The following GRIK1 variants were observed in gnomAD, a reference collection of about 807,000 sequenced individuals.
GRIK1 encodes glutamate receptor ionotropic, kainate 1.
GRIK1 carries 69 observed loss-of-function variants against 105.7 expected under a neutral mutation model. The ratio of observed to expected loss-of-function variants is 0.65; its 90% CI spans 0.54 to 0.80. The LOEUF (loss-of-function observed/expected upper bound fraction) is 0.80, where lower values mean the gene tolerates loss of function less well. Among genes scored for constraint, GRIK1 ranks in the 30% least tolerant of loss-of-function variants. The pLI is 0.00. For synonymous variants in GRIK1, 438 were observed against 431.3 expected, an observed-to-expected ratio of 1.02 and a Z score of -0.19; for missense variants, 1,109 against 1,167.3, an observed-to-expected ratio of 0.95 and a Z score of 0.73.
At chr21:29,554,600 G>T (rs551732259) in intron 16 of GRIK1, among the ~76,000 whole-genome samples, 1 of 152,014 alleles carries the variant, frequency 6.6e-6, no homozygotes, top group Non-Finnish European at 1.5e-5. Context: ...GTTCAATTTC[G>T]TAGTATGACT....
intron 6 of GRIK1, among the ~76,000 whole-genome samples, chr21:29,650,845 C>T (rs1368961164): frequency 6.6e-6 from 1 of 152,228 alleles, no homozygotes; most frequent in African/African-American, 2.4e-5. Flanking sequence ...AAATGCTCTT[C>T]ACTTGTCCTT....
At chr21:29,547,125 C>T (rs898861980) in intron 16 of GRIK1, among the ~76,000 whole-genome samples, 4 of 152,098 alleles carry the variant, frequency 2.6e-5, no homozygotes, top group Middle Eastern at 3.2e-3. Context: ...CTTGTTTTAC[C>T]TGGTCTGTAG....
At chr21:29,607,559 C>T (rs2061649308) in intron 7 of GRIK1, among the ~76,000 whole-genome samples, 1 of 152,034 alleles carries the variant, frequency 6.6e-6, no homozygotes, top group African/African-American at 2.4e-5. Context: ...TGTATTGCTA[C>T]CCTTGAAAAA....
At chr21:29,810,123 C>T (rs1738693709) in intron 1 of GRIK1, among the ~76,000 whole-genome samples, 1 of 151,984 alleles carries the variant, frequency 6.6e-6, no homozygotes, top group South Asian at 2.1e-4. Context: ...CATGGTGAAA[C>T]CCCATCTCTA....
intron 1 of GRIK1, among the ~76,000 whole-genome samples, chr21:29,815,265 C>T (rs2067125445): frequency 6.6e-6 from 1 of 152,134 alleles, no homozygotes; most frequent in Non-Finnish European, 1.5e-5. Context: ...CAGTCCTTTC[C>T]TAACTGCATG....
At chr21:29,598,718 G>T (rs1362323379) in intron 8 of GRIK1, 112 bp downstream of exon 8, 30 of 536,610 alleles carry the variant, frequency 5.6e-5, no homozygotes, top group Non-Finnish European at 8.9e-5. Flanking sequence ...GGATGTAAAA[G>T]AACATGCTTA....
chr21:29,649,727 C>T (rs2062693217), intron 6 of GRIK1, among the ~76,000 whole-genome samples: 1 of 152,142 alleles, frequency 6.6e-6, no homozygotes, highest in Non-Finnish European at 1.5e-5. Context: ...TTAAGCCATA[C>T]TTGTGATGAA....
intron 1 of GRIK1, among the ~76,000 whole-genome samples, chr21:29,791,991 T>C (rs1378783892): frequency 1.3e-5 from 2 of 152,156 alleles, no homozygotes; most frequent in Non-Finnish European, 2.9e-5. Flanking sequence ...AACATAATTT[T>C]TGTACGTTAG....
chr21:29,848,779 A>ATATATATATTTTT, intron 1 of GRIK1, among the ~76,000 whole-genome samples: 3 of 77,866 alleles, frequency 3.9e-5, no homozygotes, highest in African/African-American at 1.2e-4. Flanking sequence ...ATATATATAT[A>ATATATATATTTTT]TTTTTTTTTT....
intron 1 of GRIK1, among the ~76,000 whole-genome samples, chr21:29,891,266 G>T (rs2069887759): frequency 6.6e-6 from 1 of 152,100 alleles, no homozygotes; most frequent in Non-Finnish European, 1.5e-5. Context: ...TCTCTAGCAG[G>T]AATCCGATCA....
intron 13 of GRIK1, among the ~76,000 whole-genome samples, chr21:29,579,304 G>A (rs1289350454): frequency 6.6e-6 from 1 of 152,066 alleles, no homozygotes; most frequent in Non-Finnish European, 1.5e-5. Context: ...ATGTTAGTTA[G>A]AATTATTTAG....
intron 6 of GRIK1, among the ~76,000 whole-genome samples, chr21:29,646,765 C>A (rs1448704478): frequency 6.6e-6 from 1 of 152,012 alleles, no homozygotes; most frequent in Non-Finnish European, 1.5e-5. Flanking sequence ...CCATCTTGGG[C>A]TATATGTGCA....
At chr21:29,632,109 G>T (rs1402785337) in intron 7 of GRIK1, among the ~76,000 whole-genome samples, 2 of 152,072 alleles carry the variant, frequency 1.3e-5, no homozygotes, top group East Asian at 3.9e-4. Flanking sequence ...TGCATGCTTT[G>T]CTCCCTATTT....
chr21:29,753,647 C>G (rs1401566132), intron 1 of GRIK1, among the ~76,000 whole-genome samples: 1 of 152,154 alleles, frequency 6.6e-6, no homozygotes, highest in African/African-American at 2.4e-5. Flanking sequence ...TCACTCTGTT[C>G]TAGAGTATAA....
chr21:29,734,248 C>G (rs1446140727), intron 1 of GRIK1, among the ~76,000 whole-genome samples: 1 of 152,212 alleles, frequency 6.6e-6, no homozygotes, highest in Admixed American at 6.5e-5. Flanking sequence ...TATGGCTTAG[C>G]CTCCACTCTG....
rs1271602693 is a variant in GRIK1, at chr21:29,561,514, G to T, written c.2356+110C>A. The T allele has an allele frequency of 8.9e-6, 6 of 672,786 alleles. No individual in the cohort carries two copies. In the East Asian group the frequency reaches 1.3e-4, roughly 15 times the overall value. 41.7% of individuals were successfully genotyped at this position (672,786 alleles called of 1,614,324 possible). A position where few individuals can be genotyped will look rare whatever the true frequency, so the allele number is the denominator to read the frequency against. On this transcript the variant is annotated intron_variant, in intron 15 of 17. Transcript: ENST00000327783. Reference sequence around the variant, plus strand: ...TGTTTACATTATTAGTTCACTAATGGCATTGTAGGCCTTCTCAGAATTTGG... The same window carrying T: ...TGTTTACATTATTAGTTCACTAATGTCATTGTAGGCCTTCTCAGAATTTGG...
At chr21:29,604,485 T>C (rs1049179568) in intron 7 of GRIK1, among the ~76,000 whole-genome samples, 1 of 152,168 alleles carries the variant, frequency 6.6e-6, no homozygotes, top group African/African-American at 2.4e-5. Context: ...ACACTATTGA[T>C]TAGGGTGAAT....
chr21:29,769,633 G>T (rs897504045), intron 1 of GRIK1, among the ~76,000 whole-genome samples: 1 of 152,064 alleles, frequency 6.6e-6, no homozygotes, highest in East Asian at 1.9e-4. Context: ...TCACTTACCC[G>T]CTGGCCACTC....
At chr21:29,554,108 C>T (rs2090189105) in intron 16 of GRIK1, among the ~76,000 whole-genome samples, 1 of 152,110 alleles carries the variant, frequency 6.6e-6, no homozygotes, top group Non-Finnish European at 1.5e-5. Context: ...GATTATTAAT[C>T]AGAACCAGCC....
Sources: gnomAD v4.1 joint callset for allele counts (sites outside exome capture counted in the v4.1 genomes callset) on GRCh38, gnomAD v4.1.1 for gene constraint, MANE v1.5 for transcripts, NCBI Gene and HGNC (gene_info 2026-07-23, HGNC 2026-07-21) for gene names.